Variants in HDAC9 observed in about 807,000 individuals in gnomAD.
The protein encoded by HDAC9 is histone deacetylase 9.
Under a neutral mutation model 139.4 loss-of-function variants are expected in HDAC9, and 41 were observed. That is an observed-to-expected ratio of 0.29 (90% CI 0.23 to 0.38). The LOEUF (loss-of-function observed/expected upper bound fraction) is 0.38, where lower values mean the gene tolerates loss of function less well. Among genes scored for constraint, HDAC9 ranks in the 10% least tolerant of loss-of-function variants. HDAC9 has a pLI of 1.00. For missense variants in HDAC9, 1,147 were observed against 1,297.0 expected (o/e 0.88, Z 1.78); for synonymous variants, 517 against 476.2 (o/e 1.09, Z -1.12).
chr7:18,622,676 A>G (rs1308580803), intron 6 of HDAC9, among the ~76,000 whole-genome samples: 1 of 152,058 alleles, frequency 6.6e-6, no homozygotes, highest in Non-Finnish European at 1.5e-5. Context: ...TAATCATCTT[A>G]ATATATGAAA....
chr7:18,224,440 A>G (rs950292837), intron 2 of HDAC9, among the ~76,000 whole-genome samples: 1 of 152,188 alleles, frequency 6.6e-6, no homozygotes, highest in Non-Finnish European at 1.5e-5. Flanking sequence ...TTCAAAATTG[A>G]ACTGAAAGTC....
intron 1 of HDAC9, among the ~76,000 whole-genome samples, chr7:18,304,962 T>C (rs572880559): frequency 1.3e-5 from 2 of 148,344 alleles, no homozygotes; most frequent in African/African-American, 5.0e-5. Flanking sequence ...GATGCCATGG[T>C]CCCTGATTTT....
intron 12 of HDAC9, among the ~76,000 whole-genome samples, chr7:18,694,537 G>A (rs1289858252): frequency 6.6e-6 from 1 of 152,184 alleles, no homozygotes; most frequent in Non-Finnish European, 1.5e-5. Context: ...TTAGATAACT[G>A]ACGCAGGGCA....
At chr7:18,131,809 A>T (rs544373660) in intron 1 of HDAC9, among the ~76,000 whole-genome samples, 1 of 152,176 alleles carries the variant, frequency 6.6e-6, no homozygotes, top group Non-Finnish European at 1.5e-5. Context: ...TCAGGCAGTC[A>T]TGTTCACACA....
intron 13 of HDAC9, among the ~76,000 whole-genome samples, chr7:18,740,239 C>T (rs1326047733): frequency 2.6e-5 from 4 of 152,174 alleles, no homozygotes; most frequent in Non-Finnish European, 5.9e-5. Context: ...TGAGGTGATG[C>T]CCTGCCCTGC....
chr7:18,255,874 G>T (rs140011813), intron 2 of HDAC9, among the ~76,000 whole-genome samples: 1 of 151,904 alleles, frequency 6.6e-6, no homozygotes, highest in African/African-American at 2.4e-5. Flanking sequence ...TGATCTGCCC[G>T]CCTCGGCCTC....
At chr7:18,629,239 T>A (rs938505516) in intron 6 of HDAC9, 111 bp from the exon 7 acceptor site, 13 of 990,208 alleles carry the variant, frequency 1.3e-5, no homozygotes, top group Non-Finnish European at 1.7e-5. Context: ...CATTTGAGAA[T>A]GAGAATGGAC....
At chr7:18,557,610 A>T (rs1177847352) in intron 2 of HDAC9, among the ~76,000 whole-genome samples, 1 of 150,006 alleles carries the variant, frequency 6.7e-6, no homozygotes, top group Non-Finnish European at 1.5e-5. Context: ...GGAATTTTTG[A>T]CCTTTTTTTC....
At chr7:18,814,780 G>A (rs1794441425) in intron 17 of HDAC9, among the ~76,000 whole-genome samples, 2 of 152,028 alleles carry the variant, frequency 1.3e-5, no homozygotes, top group South Asian at 4.1e-4. Flanking sequence ...GTATAGCCTT[G>A]GAAAATTAGA....
chr7:18,793,510 G>C, intron 17 of HDAC9, 58 bp downstream of exon 17: 1 of 1,112,816 alleles, frequency 9.0e-7, no homozygotes, highest in Non-Finnish European at 1.3e-6. Context: ...AAACAGAGAT[G>C]TTGTTATGTG....
Position 18,935,940 on chromosome 7 carries a change from G to C in HDAC9, c.2935G>C (p.Glu979Gln). The change falls in exon 23 of 26, where the codon GAG becomes CAG. Residue 979 changes from glutamate (E) to glutamine (Q), a missense_variant and splice_region_variant. Glu to Gln is a conservative substitution (Grantham distance 29). Coordinates refer to ENST00000686413, the MANE Select transcript of HDAC9 (RefSeq NM_178425.4). The stretch of plus-strand genomic sequence containing the variant: ...CTGTGTAAATGCCCTTCTAGGAAAT[G>C]AGGTAAAAAAGTAAAAGTACAAAGG... ...EACVNALLGN[E>Q]LEPLAEDILH... is the part of the protein sequence containing the mutation. 6.2e-7 allele frequency: 1 copy of C among 1,611,788 alleles called. No individual in the cohort carries two copies. Among genetic ancestry groups the C allele is most frequent in the Non-Finnish European group, 8.5e-7 (1 of 1,178,516 alleles).
intron 1 of HDAC9, among the ~76,000 whole-genome samples, chr7:18,416,141 A>G (rs182665263): frequency 1.1e-4 from 16 of 152,232 alleles, no homozygotes; most frequent in African/African-American, 3.4e-4. Context: ...TACTAAAAAT[A>G]CAAAATTAGC....
At chr7:18,216,640 T>A (rs1792335514) in intron 2 of HDAC9, among the ~76,000 whole-genome samples, 1 of 152,184 alleles carries the variant, frequency 6.6e-6, no homozygotes, top group Non-Finnish European at 1.5e-5. Context: ...CGTAACTTCA[T>A]TAGTAGATTA....
At chr7:18,135,392 G>A (rs112830231) in intron 1 of HDAC9, among the ~76,000 whole-genome samples, 20,754 of 135,996 alleles carry the variant, frequency 0.15, 1,833 homozygotes, top group South Asian at 0.31. Context: ...ATGCTGGTGC[G>A]CTGCACCCAC....
intron 16 of HDAC9, among the ~76,000 whole-genome samples, chr7:18,787,358 G>C (rs1362268471): frequency 6.6e-6 from 1 of 152,140 alleles, no homozygotes; most frequent in Non-Finnish European, 1.5e-5. Flanking sequence ...CCCCAGTTTT[G>C]GATGTATGTT....
At chr7:18,529,201 GA>G (rs1808012792) in intron 2 of HDAC9, among the ~76,000 whole-genome samples, 1 of 152,006 alleles carries the variant, frequency 6.6e-6, no homozygotes, top group Non-Finnish European at 1.5e-5. Flanking sequence ...AAAATCTTTT[GA>G]AAAATGGTCA....
intron 1 of HDAC9, among the ~76,000 whole-genome samples, chr7:18,424,581 A>T (rs117072497): frequency 6.6e-6 from 1 of 152,216 alleles, no homozygotes; most frequent in African/African-American, 2.4e-5. Context: ...CAACAAAAAA[A>T]TCTAATGAGA....
At position 18,907,299 on chromosome 7, in the gene HDAC9, C is replaced by G. The variant is rs150422932; in HGVS notation, c.2804-28510C>G. Among the ~76,000 whole-genome samples, 596 of 152,170 alleles carry G rather than the reference C, an allele frequency of 3.9e-3. 1 individual carries two copies. The highest frequency in any genetic ancestry group is 6.6e-3 in the Non-Finnish European group (446 of 68,008). On this transcript the variant is annotated intron_variant, in intron 22 of 25. Coordinates refer to ENST00000686413, the MANE Select transcript of HDAC9 (RefSeq NM_178425.4). ...AATTCTGTGATTTGAAAAATATTTC[C>G]CAAGTGAAATAGAACAATGCCCAGA...
chr7:18,201,768 A>G (rs1192138656), intron 2 of HDAC9, among the ~76,000 whole-genome samples: 1 of 152,198 alleles, frequency 6.6e-6, no homozygotes, highest in Non-Finnish European at 1.5e-5. Flanking sequence ...TCTGAAACCA[A>G]TATTAGTATA....
Sources: gnomAD v4.1 joint callset for allele counts (sites outside exome capture counted in the v4.1 genomes callset) on GRCh38, gnomAD v4.1.1 for gene constraint, MANE v1.5 for transcripts, NCBI Gene and HGNC (gene_info 2026-07-23, HGNC 2026-07-21) for gene names.